FAM83E: variants seen among roughly 807,000 people sequenced by gnomAD.
FAM83E encodes the protein scaffolding CK1 anchoring protein E.
A neutral mutation model predicts 34.3 loss-of-function variants in FAM83E; 29 were observed. The observed-to-expected ratio is 0.85, with a 90% CI of 0.63 to 1.15. The LOEUF (loss-of-function observed/expected upper bound fraction) is 1.15. Among genes scored for constraint, FAM83E ranks in the 50% most tolerant of loss-of-function variants. FAM83E has a pLI of 0.00. For synonymous variants in FAM83E, 312 were observed against 311.6 expected (o/e 1.00, Z -0.01); for missense variants, 697 against 685.0 (o/e 1.02, Z -0.20).
chr19:48,603,915 G>C lies in FAM83E; in HGVS notation c.759-4C>G. On this transcript the variant is annotated splice_polypyrimidine_tract_variant and splice_region_variant and intron_variant, in intron 5 of 6. Transcript: ENST00000263266. ...GCGTGCGTCACTCCACGTGAAGCTGGGGGTCGGGGAGTAGGGGGTCAGAGT... is the reference window on the plus strand; with the variant it reads ...GCGTGCGTCACTCCACGTGAAGCTGCGGGTCGGGGAGTAGGGGGTCAGAGT... 1 of 1,591,138 alleles carries C rather than the reference G, an allele frequency of 6.3e-7. No homozygotes were observed. The highest frequency in any genetic ancestry group is 1.1e-5 in the South Asian group (1 of 88,124).
rs1255833804 is a variant in FAM83E, at chr19:48,613,917, C to T, written c.-545G>A. 12 of 985,324 alleles carry T rather than the reference C, an allele frequency of 1.2e-5. No individual in the cohort carries two copies. The highest frequency in any genetic ancestry group is 1.2e-5 in the Non-Finnish European group (10 of 829,938). The allele number at this position is 985,324 out of a possible 1,614,324, so 61.0% of individuals were successfully genotyped here. A position where few individuals can be genotyped will look rare whatever the true frequency, so the allele number is the denominator to read the frequency against. On this transcript the variant is annotated 5_prime_UTR_variant, in exon 3 of 7. Transcript: ENST00000263266. ...GCACGACAGGTTGCCTGCCTGCCCC[C>T]GGCCAAGAGCACGACGAACTGACCC... is the stretch of plus-strand genomic sequence containing the variant.
Position 48,613,781 on chromosome 19 carries a change from C to T in FAM83E, c.-409G>A. Reference sequence around the variant, plus strand: ...GACAGCCTCCAACCCACCAGTCACACAGTGCCCAGTCAGACCCTTCAGCTG... The same window carrying T: ...GACAGCCTCCAACCCACCAGTCACATAGTGCCCAGTCAGACCCTTCAGCTG... On this transcript the variant is annotated 5_prime_UTR_variant, in exon 3 of 7. In the 5' UTR this introduces an upstream ATG that the reference lacks. Transcript: ENST00000263266. 1 of 985,422 alleles carries T rather than the reference C, an allele frequency of 1.0e-6. No homozygotes were observed. The highest frequency in any genetic ancestry group is 1.2e-6 in the Non-Finnish European group (1 of 829,930). The allele number at this position is 985,422 out of a possible 1,614,324, so 61.0% of individuals were successfully genotyped here.
chr19:48,602,604 T>C (rs1255331897), intron 6 of FAM83E, among the ~76,000 whole-genome samples: 24 of 144,022 alleles, frequency 1.7e-4, no homozygotes, highest in Non-Finnish European at 3.3e-4. Flanking sequence ...CCCCGTCTCC[T>C]CTCCAGCTAG....
Position 48,610,872 on chromosome 19 carries a change from G to A in FAM83E, c.466-25C>T. The A allele has an allele frequency of 5.1e-6, 8 of 1,576,038 alleles. No homozygotes were observed. The South Asian group carries it at 8.1e-5, about 16-fold the overall frequency. On this transcript the variant is annotated intron_variant, in intron 3 of 6. Coordinates refer to ENST00000263266, the MANE Select transcript of FAM83E (RefSeq NM_017708.4). ...GCTGGGCATGGGGAGAGGGGCGGTG[G>A]GCTTGTGAACGGAAGCTGGCTCAGG...
chr19:48,600,919 C>T lies in FAM83E; in HGVS notation c.*190G>A. 7.8e-7 allele frequency: 1 copy of T among 1,289,976 alleles called. No individual in the cohort carries two copies. Among genetic ancestry groups the T allele is most frequent in the Non-Finnish European group, 1.0e-6 (1 of 990,754 alleles). 79.9% of individuals were successfully genotyped at this position (1,289,976 alleles called of 1,614,324 possible). On this transcript the variant is annotated 3_prime_UTR_variant, in exon 7 of 7. Transcript: ENST00000263266. ...CCTCCCACCTTAGCCTCCCAAAGTG[C>T]AGGGATTACAGGCATGAGCCACCAC...
rs376286714 is a variant in FAM83E at position 48,603,565 on chromosome 19, G to T, written c.1105C>A (p.Arg369=). The T allele has an allele frequency of 1.2e-3, 1,839 of 1,555,652 alleles. 9 individuals carry two copies. The highest frequency in any genetic ancestry group is 5.5e-3 in the South Asian group (477 of 87,514). The change falls in exon 6 of 7, where the codon CGG becomes AGG. Residue 369 remains arginine, a synonymous_variant. Coordinates refer to ENST00000263266, the MANE Select transcript of FAM83E (RefSeq NM_017708.4). ...RARTPSGPPA[R]PSRSMWDLSR... ...AGGTCCCACATGGAGCGGCTGGGCC[G>T]GGCCGGGGGGCCGCTGGGGGTCCGG...
At chr19:48,602,028 G>C (rs1973825098) in intron 6 of FAM83E, among the ~76,000 whole-genome samples, 1 of 150,676 alleles carries the variant, frequency 6.6e-6, no homozygotes, top group Non-Finnish European at 1.5e-5. Context: ...TGTAATCCTA[G>C]CTACTTGGAA....
At position 48,614,421 on chromosome 19, in the gene FAM83E, G is replaced by GC. The variant is rs1327469275; in HGVS notation, c.-1050dup. The stretch of plus-strand genomic sequence containing the variant: ...CCCCCAGCCTGGTTTCTGCCTAAAT[G>GC]CTATCTCCTGCCAGCTACCCGGACG... On this transcript the variant is annotated 5_prime_UTR_variant, in exon 3 of 7. Transcript: ENST00000263266. 15 of 985,630 alleles carry GC rather than the reference G, an allele frequency of 1.5e-5. No individual in the cohort carries two copies. The highest frequency in any genetic ancestry group is 5.2e-4 in the Middle Eastern group (1 of 1,914). 61.1% of individuals were successfully genotyped at this position (985,630 alleles called of 1,614,324 possible). A position where few individuals can be genotyped will look rare whatever the true frequency, so the allele number is the denominator to read the frequency against.
chr19:48,613,755 C>T lies in FAM83E; in HGVS notation c.-383G>A, dbSNP rs559322662. ...AGCTGGCCATCTCTGCTCAGCCACACGACAGCCTCCAACCCACCAGTCACA... is the reference window on the plus strand; with the variant it reads ...AGCTGGCCATCTCTGCTCAGCCACATGACAGCCTCCAACCCACCAGTCACA... On this transcript the variant is annotated 5_prime_UTR_variant, in exon 3 of 7. It adds an upstream start codon to the 5' untranslated region. Coordinates refer to ENST00000263266, the MANE Select transcript of FAM83E (RefSeq NM_017708.4). 1.1e-5 allele frequency: 11 copies of T among 985,402 alleles called. No homozygotes were observed. Among genetic ancestry groups the T allele is most frequent in the Non-Finnish European group, 1.3e-5 (11 of 829,920 alleles). The allele number at this position is 985,402 out of a possible 1,614,324, so 61.0% of individuals were successfully genotyped here.
chr19:48,603,650 G>C lies in FAM83E; in HGVS notation c.1020C>G (p.Arg340=). ...GPLAHRLAAC[R]VSPATPGPAL... Reference sequence around the variant, plus strand: ...CCGGCCCCGGGGTAGCAGGGGAGACGCGGCAGGCGGCCAGGCGGTGGGCCA... The same window carrying C: ...CCGGCCCCGGGGTAGCAGGGGAGACCCGGCAGGCGGCCAGGCGGTGGGCCA... The change falls in exon 6 of 7, where the codon CGC becomes CGG. Residue 340 remains arginine, a synonymous_variant. Transcript: ENST00000263266. 7.5e-7 allele frequency: 1 copy of C among 1,329,924 alleles called. No homozygotes were observed. Among genetic ancestry groups the C allele is most frequent in the Non-Finnish European group, 9.6e-7 (1 of 1,038,518 alleles). The allele number at this position is 1,329,924 out of a possible 1,614,324, so 82.4% of individuals were successfully genotyped here.
chr19:48,607,465 C>T (rs1267431900), intron 5 of FAM83E: 2 of 1,387,622 alleles, frequency 1.4e-6, no homozygotes, highest in African/African-American at 2.9e-5. Flanking sequence ...CTCTTGCGGC[C>T]CTGGCTTCAT....
At chr19:48,610,219 C>T (rs865876958) in intron 4 of FAM83E, among the ~76,000 whole-genome samples, 25 of 151,704 alleles carry the variant, frequency 1.6e-4, no homozygotes, top group East Asian at 1.2e-3. Context: ...GCCAACATGG[C>T]GAAACCCCGT....
chr19:48,601,428 C>A, intron 6 of FAM83E, 59 bp from the exon 7 acceptor site: 1 of 1,533,208 alleles, frequency 6.5e-7, no homozygotes, highest in Non-Finnish European at 8.8e-7. Flanking sequence ...GGGGGCATCC[C>A]AGATCCAGGG....
chr19:48,612,480 C>A (rs1974059204), intron 3 of FAM83E, among the ~76,000 whole-genome samples: 2 of 151,698 alleles, frequency 1.3e-5, no homozygotes, highest in African/African-American at 4.8e-5. Context: ...TCTTGGCTCA[C>A]TGCAACCTCC....
In FAM83E at chr19:48,614,465, CCA is replaced by C; in HGVS notation, c.-1095_-1094del. On this transcript the variant is annotated 5_prime_UTR_variant, in exon 3 of 7. Coordinates refer to ENST00000263266, the MANE Select transcript of FAM83E (RefSeq NM_017708.4). ...CCGGACGCTTCTTCCCGGACAGGGG[CCA>C]GTCTCTATCTCGCCCTGTCTCCCTC... 1.6e-5 allele frequency: 16 copies of C among 985,600 alleles called. No homozygotes were observed. The highest frequency in any genetic ancestry group is 1.9e-5 in the Non-Finnish European group (16 of 830,090). 61.1% of individuals were successfully genotyped at this position (985,600 alleles called of 1,614,324 possible).
rs779730501 is a variant in FAM83E, at chr19:48,613,419, G to A, written c.-47C>T. On this transcript the variant is annotated 5_prime_UTR_variant, in exon 3 of 7. Coordinates refer to ENST00000263266, the MANE Select transcript of FAM83E (RefSeq NM_017708.4). ...ACTGACTGTGAGAGGCTGGGTCCCC[G>A]GGGGTCTGGCTGTCTCTGGGGACTG... 36 of 1,470,668 alleles carry A rather than the reference G, an allele frequency of 2.4e-5. No individual in the cohort carries two copies. The highest frequency in any genetic ancestry group is 4.9e-4 in the Middle Eastern group (2 of 4,068). The allele number at this position is 1,470,668 out of a possible 1,614,324, so 91.1% of individuals were successfully genotyped here.
rs771897998 is a variant in FAM83E at position 48,603,626 on chromosome 19, C to T, written c.1044G>A (p.Pro348=). Residue 348 remains proline, a synonymous_variant, in exon 6 of 7, where the codon CCG becomes CCA. Coordinates refer to ENST00000263266, the MANE Select transcript of FAM83E (RefSeq NM_017708.4). ...CACTCCTTAGAATGTCACTGAGTGC[C>T]GGCCCCGGGGTAGCAGGGGAGACGC... ...ACRVSPATPG[P]ALSDILRSVQ... The T allele has an allele frequency of 4.4e-5, 62 of 1,416,936 alleles. 2 individuals carry two copies. Among genetic ancestry groups the T allele is most frequent in the Non-Finnish European group, 5.3e-5 (57 of 1,085,594 alleles). The allele number at this position is 1,416,936 out of a possible 1,614,324, so 87.8% of individuals were successfully genotyped here.
At chr19:48,602,200 G>A (rs1239972224) in intron 6 of FAM83E, among the ~76,000 whole-genome samples, 1 of 148,738 alleles carries the variant, frequency 6.7e-6, no homozygotes, top group Non-Finnish European at 1.5e-5. Flanking sequence ...GAAGGGGTAA[G>A]GGAGAAGGTG....
intron 3 of FAM83E, among the ~76,000 whole-genome samples, chr19:48,611,883 T>G (rs570045132): frequency 6.6e-6 from 1 of 152,292 alleles, no homozygotes; most frequent in East Asian, 1.9e-4. Flanking sequence ...TAGGGCACTG[T>G]GGGCAACTGC....
Sources: allele counts gnomAD v4.1 joint callset (sites outside exome capture counted in the v4.1 genomes callset), GRCh38; gene constraint gnomAD v4.1.1; transcripts MANE v1.5; gene names NCBI Gene and HGNC (gene_info 2026-07-23, HGNC 2026-07-21).